Variants in TUBA3E observed in about 807,000 individuals in gnomAD.
The protein encoded by TUBA3E is tubulin alpha-3E chain.
TUBA3E carries 21 observed loss-of-function variants against 36.7 expected under a neutral mutation model. That is an observed-to-expected ratio of 0.57 (90% CI 0.41 to 0.83). The LOEUF is 0.83. Among genes scored for constraint, TUBA3E ranks in the 40% least tolerant of loss-of-function variants. The probability of loss-of-function intolerance (pLI) is 0.00; values close to 1 mark genes in which losing one functional copy is unlikely to be tolerated. For synonymous variants in TUBA3E, 177 were observed against 241.9 expected (o/e 0.73, Z 2.49); for missense variants, 469 against 604.2 (o/e 0.78, Z 2.35).
Position 130,195,349 on chromosome 2 carries a change from T to C in TUBA3E, c.227-122A>G, listed in dbSNP as rs1342706743. 14 of 1,409,444 alleles carry C rather than the reference T, an allele frequency of 9.9e-6. No homozygotes were observed. The East Asian group carries it at 2.5e-4, about 26-fold the overall frequency. 87.3% of individuals were successfully genotyped at this position (1,409,444 alleles called of 1,614,324 possible). ...TTCAAAGTACATGACCTACATGTCA[T>C]AGGTCAACAGTGGCAGTGTCTGGTA... is the stretch of plus-strand genomic sequence containing the variant. On this transcript the variant is annotated intron_variant, in intron 2 of 4. Coordinates refer to ENST00000312988, the MANE Select transcript of TUBA3E (RefSeq NM_207312.3).
At position 130,192,007 on chromosome 2, in the gene TUBA3E, G is replaced by A. The variant is rs754139423; in HGVS notation, c.1177C>T (p.His393Tyr). ...AIAEAWARLVHKFDLMYAKWA... is the reference protein window; with the variant it reads ...AIAEAWARLVYKFDLMYAKWA... The stretch of plus-strand genomic sequence containing the variant: ...TTGGCATACATGAGATCGAACTTAT[G>A]GACCAGGCGGGCCCAGGCCTCCGCA... Residue 393 changes from histidine (H) to tyrosine (Y), a missense_variant, in exon 5 of 5, where the codon CAT (histidine) becomes TAT (tyrosine). Coordinates refer to ENST00000312988, the MANE Select transcript of TUBA3E (RefSeq NM_207312.3). 6.2e-7 allele frequency: 1 copy of A among 1,614,076 alleles called. No homozygotes were observed. Among genetic ancestry groups the A allele is most frequent in the South Asian group, 1.1e-5 (1 of 91,084 alleles).
chr2:130,194,478 C>T lies in TUBA3E; in HGVS notation c.376-12G>A, dbSNP rs1423741196. ...GTGCACAGATCCGCCTGAGAGAAAC[C>T]AGACAACGTGAGCCAATGCCCGTGG... On this transcript the variant is annotated splice_polypyrimidine_tract_variant and intron_variant, in intron 3 of 4. Transcript: ENST00000312988. The T allele has an allele frequency of 6.5e-7, 1 of 1,528,878 alleles. No individual in the cohort carries two copies. The allele number at this position is 1,528,878 out of a possible 1,614,324, so 94.7% of individuals were successfully genotyped here. A position where few individuals can be genotyped will look rare whatever the true frequency, so the allele number is the denominator to read the frequency against.
rs1211538801 is a variant in TUBA3E, at chr2:130,194,030, G to A, written c.812C>T (p.Thr271Ile). ...PYPRIHFPLA[T>I]YAPVISAEKA... Reference sequence around the variant, plus strand: ...CTCAGCTGAGATGACTGGGGCGTAGGTGGCCAGGGGGAAGTGGATGCGGGG... The same window carrying A: ...CTCAGCTGAGATGACTGGGGCGTAGATGGCCAGGGGGAAGTGGATGCGGGG... Residue 271 changes from threonine (T) to isoleucine (I), a missense_variant, in exon 4 of 5, where the codon ACC (threonine) becomes ATC (isoleucine). Transcript: ENST00000312988. 1.2e-6 allele frequency: 2 copies of A among 1,614,106 alleles called. No homozygotes were observed. The highest frequency in any genetic ancestry group is 1.3e-5 in the African/African-American group (1 of 74,954).
chr2:130,196,024 T>A lies in TUBA3E; in HGVS notation c.226+125A>T, dbSNP rs1690393818. 3.6e-6 allele frequency: 5 copies of A among 1,379,520 alleles called. No individual in the cohort carries two copies. The South Asian group carries it at 6.0e-5, about 17-fold the overall frequency. The allele number at this position is 1,379,520 out of a possible 1,614,324, so 85.5% of individuals were successfully genotyped here. On this transcript the variant is annotated intron_variant, in intron 2 of 4. Coordinates refer to ENST00000312988, the MANE Select transcript of TUBA3E (RefSeq NM_207312.3). ...AACCTTTCAGTTTCTCTCCTAACAA[T>A]GCCATGGGCATATGCCTGTCTATCC...
Position 130,194,413 on chromosome 2 carries a change from G to A in TUBA3E, c.429C>T (p.Gly143=), listed in dbSNP as rs370530687. ...QGFLIFHSFG[G]GTGSGFASLL... The stretch of plus-strand genomic sequence containing the variant: ...GAGATGCGAACCCAGAGCCAGTGCC[G>A]CCCCCAAAGCTGTGGAAGATGAGGA... Residue 143 remains glycine, a synonymous_variant, in exon 4 of 5, where the codon GGC becomes GGT. Coordinates refer to ENST00000312988, the MANE Select transcript of TUBA3E (RefSeq NM_207312.3). The A allele has an allele frequency of 4.4e-5, 71 of 1,605,110 alleles. No individual in the cohort carries two copies. Among genetic ancestry groups the A allele is most frequent in the Admixed American group, 2.0e-4 (12 of 58,678 alleles).
chr2:130,198,406 C>T lies in TUBA3E; in HGVS notation c.-46G>A, dbSNP rs373044759. The T allele has an allele frequency of 1.1e-5, 15 of 1,355,222 alleles. 5 individuals are homozygous for T. The highest frequency in any genetic ancestry group is 6.2e-5 in the African/African-American group (4 of 64,852). The allele number at this position is 1,355,222 out of a possible 1,614,324, so 83.9% of individuals were successfully genotyped here. ...CCCAACGCTACTTCCAGACCTCAACCGGCTGCCACAGCTGCTGAGCGCCCA... is the reference window on the plus strand; with the variant it reads ...CCCAACGCTACTTCCAGACCTCAACTGGCTGCCACAGCTGCTGAGCGCCCA... On this transcript the variant is annotated 5_prime_UTR_variant, in exon 1 of 5. Transcript: ENST00000312988.
rs1052422 is a variant in TUBA3E, at chr2:130,191,980, A to G, written c.1204T>C (p.Trp402Arg). ...VHKFDLMYAK[W>R]AFVHWYVGEG... ...CCCACGTACCAGTGCACAAAGGCCC[A>G]CTTGGCATACATGAGATCGAACTTA... Residue 402 changes from tryptophan (W) to arginine (R), a missense_variant, in exon 5 of 5, where the codon TGG becomes CGG. Coordinates refer to ENST00000312988, the MANE Select transcript of TUBA3E (RefSeq NM_207312.3). 0.38 allele frequency: 580,593 copies of G among 1,511,576 alleles called. 124,249 individuals carry two copies. Among genetic ancestry groups the G allele is most frequent in the Admixed American group, 0.45 (23,790 of 52,744 alleles). The allele number at this position is 1,511,576 out of a possible 1,614,324, so 93.6% of individuals were successfully genotyped here. A position where few individuals can be genotyped will look rare whatever the true frequency, so the allele number is the denominator to read the frequency against.
At chr2:130,195,050 A>AT (rs1690369897) in intron 3 of TUBA3E, 29 bp downstream of exon 3, 1 of 1,611,100 alleles carries the variant, frequency 6.2e-7, no homozygotes, top group African/African-American at 1.3e-5. Flanking sequence ...CATGCAAGAC[A>AT]ATGGCCACAT....
At chr2:130,197,048 TAC>T (rs1258270747) in intron 1 of TUBA3E, among the ~76,000 whole-genome samples, 1 of 141,830 alleles carries the variant, frequency 7.1e-6, no homozygotes, top group Non-Finnish European at 1.5e-5. Flanking sequence ...CTCTCAAGGC[TAC>T]ACTTTTGGCA....
In TUBA3E at chr2:130,197,623, T is replaced by G. The variant is rs60145821; in HGVS notation, c.3+735A>C. 1.0e-2 allele frequency among the ~76,000 whole-genome samples: 1,259 copies of G among 126,400 alleles called. 46 individuals are homozygous for G. The highest frequency in any genetic ancestry group is 0.032 in the African/African-American group (1,164 of 35,830). The allele number at this position is 126,400 out of a possible 152,430, so 82.9% of individuals were successfully genotyped here. On this transcript the variant is annotated intron_variant, in intron 1 of 4. Transcript: ENST00000312988. ...TTAATGGGCTGCTTTTTTTGTTTGG[T>G]TTTTTGAGGCAGGGTCTCTGTGGCC...
chr2:130,196,136 C>T lies in TUBA3E; in HGVS notation c.226+13G>A. On this transcript the variant is annotated intron_variant, in intron 2 of 4. Coordinates refer to ENST00000312988, the MANE Select transcript of TUBA3E (RefSeq NM_207312.3). ...CTCTCAGGAAAGCTGCCATCCAGTGCCCAGGCACCTACCGACCACAGTGGG... is the reference window on the plus strand; with the variant it reads ...CTCTCAGGAAAGCTGCCATCCAGTGTCCAGGCACCTACCGACCACAGTGGG... 6.2e-7 allele frequency: 1 copy of T among 1,606,576 alleles called. No individual in the cohort carries two copies. Among genetic ancestry groups the T allele is most frequent in the South Asian group, 1.1e-5 (1 of 90,232 alleles).
In TUBA3E at chr2:130,194,301, C is replaced by T. The variant is rs550511590; in HGVS notation, c.541G>A (p.Val181Met). ...AGGATGGAGTTGTAGGGCTCCACCA[C>T]GGCTGTGGAGACCTGGGGGGCTGGG... ...IYPAPQVSTAVVEPYNSILTT... is the reference protein window; with the variant it reads ...IYPAPQVSTAMVEPYNSILTT... Residue 181 changes from valine to methionine, a missense_variant, in exon 4 of 5, where the codon GTG becomes ATG. Val to Met is a conservative substitution (Grantham distance 21, BLOSUM62 1). This residue lies in a region of TUBA3E where 169 missense variants were observed against 239.0 expected (regional missense o/e 0.71). Transcript: ENST00000312988. The T allele has an allele frequency of 2.2e-5, 36 of 1,611,654 alleles. No individual in the cohort carries two copies. Among genetic ancestry groups the T allele is most frequent in the Admixed American group, 1.2e-4 (7 of 59,772 alleles).
chr2:130,194,041 G>T lies in TUBA3E; in HGVS notation c.801C>A (p.Phe267Leu), dbSNP rs750251665. The change falls in exon 4 of 5, where the codon TTC becomes TTA. Residue 267 changes from phenylalanine (F) to leucine (L), a missense_variant. By Grantham distance (22) the Phe-to-Leu change is conservative. Around this residue, in one of 3 missense-constraint regions of TUBA3E, gnomAD observed 296 missense variants for 346.9 expected, o/e 0.85. Transcript: ENST00000312988. ...TNLVPYPRIH[F>L]PLATYAPVIS... is the part of the protein sequence containing the mutation. ...TGACTGGGGCGTAGGTGGCCAGGGGGAAGTGGATGCGGGGGTACGGCACGA... is the reference window on the plus strand; with the variant it reads ...TGACTGGGGCGTAGGTGGCCAGGGGTAAGTGGATGCGGGGGTACGGCACGA... The T allele has an allele frequency of 1.2e-6, 2 of 1,614,102 alleles. No individual in the cohort carries two copies. Among genetic ancestry groups the T allele is most frequent in the African/African-American group, 1.3e-5 (1 of 74,952 alleles).
chr2:130,193,090 CAAA>C (rs34628369), intron 4 of TUBA3E, among the ~76,000 whole-genome samples: 1 of 134,218 alleles, frequency 7.5e-6, no homozygotes, highest in African/African-American at 2.7e-5. Flanking sequence ...AAGATTGTCT[CAAA>C]AAAAAAAAAA....
At chr2:130,193,023 G>A (rs1690304671) in intron 4 of TUBA3E, among the ~76,000 whole-genome samples, 1 of 151,818 alleles carries the variant, frequency 6.6e-6, no homozygotes, top group Non-Finnish European at 1.5e-5. Context: ...AACCCGGGAG[G>A]TGGAGGTTGC....
intron 3 of TUBA3E, among the ~76,000 whole-genome samples, chr2:130,194,877 C>T (rs1690365826): frequency 6.6e-6 from 1 of 152,132 alleles, no homozygotes; most frequent in Non-Finnish European, 1.5e-5. Context: ...AGAGTTTCAC[C>T]ATGTAGGCCA....
chr2:130,194,943 G>A (rs1486021215), intron 3 of TUBA3E, 136 bp downstream of exon 3: 9 of 1,491,896 alleles, frequency 6.0e-6, no homozygotes, highest in Non-Finnish European at 8.2e-6. Context: ...CTCTCAAAGT[G>A]CTGGGATTAC....
Position 130,193,824 on chromosome 2 carries a change from T to G in TUBA3E, c.1018A>C (p.Thr340Pro), listed in dbSNP as rs754579736. 1 of 1,613,556 alleles carries G rather than the reference T, an allele frequency of 6.2e-7. No individual in the cohort carries two copies. Among genetic ancestry groups the G allele is most frequent in the African/African-American group, 1.3e-5 (1 of 75,042 alleles). ...GGGCACCAATCCACAAACTGGATAG[T>G]GCGCTTGGTCTTGATGGTGGCGATG... ...AAIATIKTKR[T>P]IQFVDWCPTG... The change falls in exon 4 of 5, where the codon ACT (threonine) becomes CCT (proline). Residue 340 changes from threonine (T) to proline (P), a missense_variant. Around this residue, in one of 3 missense-constraint regions of TUBA3E, gnomAD observed 296 missense variants for 346.9 expected, o/e 0.85. Coordinates refer to ENST00000312988, the MANE Select transcript of TUBA3E (RefSeq NM_207312.3).
chr2:130,195,256 T>C, intron 2 of TUBA3E, 29 bp from the exon 3 acceptor site: 1 of 1,611,398 alleles, frequency 6.2e-7, no homozygotes, highest in South Asian at 1.1e-5. Context: ...GTACTGTGAA[T>C]TTTTAAGGCC....
Sources: allele counts gnomAD v4.1 joint callset (sites outside exome capture counted in the v4.1 genomes callset), GRCh38; gene constraint gnomAD v4.1.1; regional missense constraint gnomAD v4.1.1; transcripts MANE v1.5; gene names NCBI Gene and HGNC (gene_info 2026-07-23, HGNC 2026-07-21).